Variants in OR9G4 observed in about 807,000 individuals in gnomAD.
OR9G4 encodes the protein olfactory receptor 9G4.
Under a neutral mutation model 16.7 loss-of-function variants are expected in OR9G4, and 19 were observed. The ratio of observed to expected loss-of-function variants is 1.14; its 90% CI spans 0.79 to 1.67. The LOEUF is 1.67. Ranked by LOEUF, OR9G4 falls within the 40% of genes most tolerant of loss-of-function variation. OR9G4 has a pLI of 0.00. For missense variants in OR9G4, 428 were observed against 370.4 expected, an observed-to-expected ratio of 1.16 and a Z score of -1.28; for synonymous variants, 182 against 146.2, an observed-to-expected ratio of 1.24 and a Z score of -1.76.
In OR9G4 at chr11:56,743,554, G is replaced by C. The variant is rs1249792817; in HGVS notation, c.213C>G (p.Phe71Leu). 3 of 1,614,140 alleles carry C rather than the reference G, an allele frequency of 1.9e-6. No homozygotes were observed. The highest frequency in any genetic ancestry group is 2.5e-6 in the Non-Finnish European group (3 of 1,180,000). Residue 71 changes from phenylalanine to leucine, a missense_variant, in exon 2 of 2, where the codon TTC (phenylalanine) becomes TTG (leucine). Phe to Leu is a conservative substitution (Grantham distance 22). Coordinates refer to ENST00000641668, the MANE Select transcript of OR9G4 (RefSeq NM_001005284.2). ...TGGGGGTATACACAGAGGTATACCA[G>C]AAATCCAAAAAAGACAGATTGCCAA... is the stretch of plus-strand genomic sequence containing the variant. ...FFIGNLSFLD[F>L]WYTSVYTPKI...
chr11:56,745,631 G>A (rs532249326), intron 1 of OR9G4, among the ~76,000 whole-genome samples: 1 of 152,150 alleles, frequency 6.6e-6, no homozygotes, highest in South Asian at 2.1e-4. Context: ...AATCAGCCAG[G>A]CGTGGTGGTA....
intron 1 of OR9G4, among the ~76,000 whole-genome samples, chr11:56,748,412 T>C (rs1329082192): frequency 6.6e-6 from 1 of 152,224 alleles, no homozygotes; most frequent in African/African-American, 2.4e-5. Flanking sequence ...TTTTTCACTG[T>C]GTGAGTGAAT....
In OR9G4 at chr11:56,742,765, G is replaced by A. The variant is rs376712981; in HGVS notation, c.*63C>T. The stretch of plus-strand genomic sequence containing the variant: ...TTAATTGAACTACAGAAATGCAAAT[G>A]AACACATTTATAAGCCAATAATCTG... On this transcript the variant is annotated 3_prime_UTR_variant, in exon 2 of 2. Coordinates refer to ENST00000641668, the MANE Select transcript of OR9G4 (RefSeq NM_001005284.2). 48 of 1,419,148 alleles carry A rather than the reference G, an allele frequency of 3.4e-5. No homozygotes were observed. The highest frequency in any genetic ancestry group is 3.2e-4 in the East Asian group (14 of 43,770). The allele number at this position is 1,419,148 out of a possible 1,614,324, so 87.9% of individuals were successfully genotyped here.
rs577599973 is a variant in OR9G4 at position 56,743,595 on chromosome 11, G to A, written c.172C>T (p.Pro58Ser). 2.8e-5 allele frequency: 45 copies of A among 1,614,090 alleles called. 2 individuals are homozygous for A. The South Asian group carries it at 4.6e-4, about 17-fold the overall frequency. ...AGATTGCCAATGAAAAAGTACATAG[G>A]TGTATGCAAGTGGGAATCAGTTCGG... is the stretch of plus-strand genomic sequence containing the variant. ...LIRTDSHLHTPMYFFIGNLSF... is the reference protein window; with the variant it reads ...LIRTDSHLHTSMYFFIGNLSF... Residue 58 changes from proline to serine, a missense_variant, in exon 2 of 2, where the codon CCT (proline) becomes TCT (serine). Pro to Ser is a moderately conservative substitution (Grantham distance 74). Coordinates refer to ENST00000641668, the MANE Select transcript of OR9G4 (RefSeq NM_001005284.2).
chr11:56,743,775 A>T lies in OR9G4; in HGVS notation c.-9T>A. The T allele has an allele frequency of 6.2e-7, 1 of 1,613,864 alleles. No individual in the cohort carries two copies. The highest frequency in any genetic ancestry group is 1.7e-5 in the Admixed American group (1 of 60,008). On this transcript the variant is annotated 5_prime_UTR_variant, in exon 2 of 2. Coordinates refer to ENST00000641668, the MANE Select transcript of OR9G4 (RefSeq NM_001005284.2). ...CAATTTCCCACTTCCATGTCCACGG[A>T]GGTGAAAGCCTGACTATCATGAGAA...
rs1858335660 is a variant in OR9G4, at chr11:56,743,248, G to A, written c.519C>T (p.Ile173=). 1 of 1,614,086 alleles carries A rather than the reference G, an allele frequency of 6.2e-7. No individual in the cohort carries two copies. The highest frequency in any genetic ancestry group is 2.2e-5 in the East Asian group (1 of 44,894). Reference sequence around the variant, plus strand: ...GTGCATCACAGAAAAAGTGGTCAATGATATTTTTACCACAAAAATGCAGGC... The same window carrying A: ...GTGCATCACAGAAAAAGTGGTCAATAATATTTTTACCACAAAAATGCAGGC... ...TFRLHFCGKN[I]IDHFFCDAPP... Residue 173 remains isoleucine, a synonymous_variant, in exon 2 of 2, where the codon ATC becomes ATT. Transcript: ENST00000641668.
Position 56,743,739 on chromosome 11 carries a change from T to C in OR9G4, c.28A>G (p.Thr10Ala), listed in dbSNP as rs774346627. ...GAGAAACCCAACAAGATGAATTCAG[T>C]CAGGATGGTGCAATTTCCCACTTCC... MEVGNCTILTEFILLGFSAD... is the reference protein window; with the variant it reads MEVGNCTILAEFILLGFSAD... Residue 10 changes from threonine to alanine, a missense_variant, in exon 2 of 2, where the codon ACT (threonine) becomes GCT (alanine). Physicochemically the swap from Thr to Ala is moderately conservative, Grantham distance 58 (BLOSUM62 0). Transcript: ENST00000641668. The C allele has an allele frequency of 1.9e-6, 3 of 1,614,048 alleles. No homozygotes were observed. Among genetic ancestry groups the C allele is most frequent in the Non-Finnish European group, 2.5e-6 (3 of 1,179,954 alleles).
Position 56,742,909 on chromosome 11 carries a change from G to T in OR9G4, c.858C>A (p.Asn286Lys), listed in dbSNP as rs766100232. 1 of 1,613,942 alleles carries T rather than the reference G, an allele frequency of 6.2e-7. No homozygotes were observed. Among genetic ancestry groups the T allele is most frequent in the Non-Finnish European group, 8.5e-7 (1 of 1,179,926 alleles). ...TGTTTCTCAGGCTATAGATGAGAGG[G>T]TTGAGCAGTGGGTTGATCACGGTGT... ...LFYTVINPLL[N>K]PLIYSLRNKD... The change falls in exon 2 of 2, where the codon AAC becomes AAA. Residue 286 changes from asparagine to lysine, a missense_variant. Coordinates refer to ENST00000641668, the MANE Select transcript of OR9G4 (RefSeq NM_001005284.2).
rs1303143697 is a variant in OR9G4, at chr11:56,741,317, T to C, written c.*1511A>G. The C allele has an allele frequency of 5.8e-6, 1 of 172,268 alleles. No homozygotes were observed. The highest frequency in any genetic ancestry group is 1.2e-5 in the Non-Finnish European group (1 of 80,448). 10.7% of individuals were successfully genotyped at this position (172,268 alleles called of 1,614,324 possible). ...ATTCAATTGAATACTGATACAGTTT[T>C]TAAAATTCAGTATCTCCGATTAATG... is the stretch of plus-strand genomic sequence containing the variant. On this transcript the variant is annotated 3_prime_UTR_variant, in exon 2 of 2. Coordinates refer to ENST00000641668, the MANE Select transcript of OR9G4 (RefSeq NM_001005284.2).
In OR9G4 at chr11:56,748,667, A is replaced by T. The variant is rs921149440; in HGVS notation, c.-34T>A. On this transcript the variant is annotated 5_prime_UTR_variant, in exon 1 of 2. Transcript: ENST00000641668. ...TCCCAGGTGCTTACCCTTGGTTTGG[A>T]AGGCCAGCTCTTGGAAGTCACACTT... 1 of 152,192 alleles carries T rather than the reference A, an allele frequency of 6.6e-6. No homozygotes were observed. The highest frequency in any genetic ancestry group is 1.5e-5 in the Non-Finnish European group (1 of 68,050). The allele number at this position is 152,192 out of a possible 1,614,324, so 9.4% of individuals were successfully genotyped here.
Position 56,743,555 on chromosome 11 carries a change from A to C in OR9G4, c.212T>G (p.Phe71Cys). 1 of 1,614,230 alleles carries C rather than the reference A, an allele frequency of 6.2e-7. No homozygotes were observed. The highest frequency in any genetic ancestry group is 8.5e-7 in the Non-Finnish European group (1 of 1,180,040). ...GGGGGTATACACAGAGGTATACCAG[A>C]AATCCAAAAAAGACAGATTGCCAAT... ...FFIGNLSFLD[F>C]WYTSVYTPKI... Residue 71 changes from phenylalanine (F) to cysteine (C), a missense_variant, in exon 2 of 2, where the codon TTC becomes TGC. Coordinates refer to ENST00000641668, the MANE Select transcript of OR9G4 (RefSeq NM_001005284.2).
intron 1 of OR9G4, among the ~76,000 whole-genome samples, chr11:56,744,398 A>C (rs1858371532): frequency 6.6e-6 from 1 of 152,230 alleles, no homozygotes; most frequent in Non-Finnish European, 1.5e-5. Flanking sequence ...TAAATAAAAC[A>C]TACATAAAAA....
chr11:56,748,587 C>T (rs1360672612), intron 1 of OR9G4, 69 bp downstream of exon 1: 1 of 152,262 alleles, frequency 6.6e-6, no homozygotes, highest in Non-Finnish European at 1.5e-5. Context: ...TCTGTATCCC[C>T]CTTCTGATTT....
rs1468871404 is a variant in OR9G4, at chr11:56,741,304, A to G, written c.*1524T>C. ...TACAGTATTGTAGATTCAATTGAAT[A>G]CTGATACAGTTTTTAAAATTCAGTA... On this transcript the variant is annotated 3_prime_UTR_variant, in exon 2 of 2. Coordinates refer to ENST00000641668, the MANE Select transcript of OR9G4 (RefSeq NM_001005284.2). The G allele has an allele frequency of 5.6e-6, 1 of 177,890 alleles. No individual in the cohort carries two copies. Among genetic ancestry groups the G allele is most frequent in the African/African-American group, 2.4e-5 (1 of 41,844 alleles). 11.0% of individuals were successfully genotyped at this position (177,890 alleles called of 1,614,324 possible). A position where few individuals can be genotyped will look rare whatever the true frequency, so the allele number is the denominator to read the frequency against.
rs1858346471 is a variant in OR9G4, at chr11:56,743,462, A to T, written c.305T>A (p.Phe102Tyr). ...AGTGTAGGCTACAACACAGGAAAAA[A>T]ACAGCTGAGCCCCACATCCAGCCAA... ...ISLAGCGAQLFFSCVVAYTEC... is the reference protein window; with the variant it reads ...ISLAGCGAQLYFSCVVAYTEC... Residue 102 changes from phenylalanine to tyrosine, a missense_variant, in exon 2 of 2, where the codon TTT (phenylalanine) becomes TAT (tyrosine). Phe to Tyr is a conservative substitution (Grantham distance 22, BLOSUM62 3). Coordinates refer to ENST00000641668, the MANE Select transcript of OR9G4 (RefSeq NM_001005284.2). The T allele has an allele frequency of 2.5e-6, 4 of 1,614,170 alleles. No homozygotes were observed. The East Asian group carries it at 6.7e-5, about 27-fold the overall frequency.
At chr11:56,745,542 G>A (rs969620989) in intron 1 of OR9G4, among the ~76,000 whole-genome samples, 15 of 152,072 alleles carry the variant, frequency 9.9e-5, no homozygotes, top group Non-Finnish European at 1.9e-4. Flanking sequence ...CACTTTAGGA[G>A]GCTGAGGCAG....
intron 1 of OR9G4, 168 bp from the exon 2 acceptor site, chr11:56,743,956 T>C (rs1386255555): frequency 1.4e-6 from 1 of 692,698 alleles, no homozygotes; most frequent in South Asian, 2.1e-5. Flanking sequence ...GGAATTGGAG[T>C]CAAAAATAAT....
rs513873 is a variant in OR9G4 at position 56,743,147 on chromosome 11, A to G, written c.620T>C (p.Val207Ala). Reference protein sequence around the residue: ...KVLLGVVGFTVLSSILAILIS... With the variant: ...KVLLGVVGFTALSSILAILIS... ...CAGGATAGCAAGAATGCTGGAGAGT[A>G]CTGTGAAGCCCACCACACCAAGCAG... Residue 207 changes from valine (V) to alanine (A), a missense_variant, in exon 2 of 2, where the codon GTA becomes GCA. Val to Ala is a moderately conservative substitution (Grantham distance 64). Transcript: ENST00000641668. 470,140 of 1,613,232 alleles carry G rather than the reference A, an allele frequency of 0.29. 71,706 individuals are homozygous for G. The highest frequency in any genetic ancestry group is 0.32 in the Non-Finnish European group (376,298 of 1,179,286).
chr11:56,745,588 T>C (rs1858394849), intron 1 of OR9G4, among the ~76,000 whole-genome samples: 1 of 151,954 alleles, frequency 6.6e-6, no homozygotes, highest in African/African-American at 2.4e-5. Context: ...AGAACCAGCC[T>C]GACCAACATA....
Sources: gnomAD v4.1 joint callset for allele counts (sites outside exome capture counted in the v4.1 genomes callset) on GRCh38, gnomAD v4.1.1 for gene constraint, MANE v1.5 for transcripts, NCBI Gene and HGNC (gene_info 2026-07-23, HGNC 2026-07-21) for gene names.